The following DENND1B variants were observed in gnomAD, a reference collection of about 807,000 sequenced individuals.
The protein encoded by DENND1B is DENN domain containing 1B, also known as DENN domain-containing protein 1B.
Under a neutral mutation model 90.1 loss-of-function variants are expected in DENND1B, and 59 were observed. That is an observed-to-expected ratio of 0.65 (90% CI 0.53 to 0.81). The LOEUF is 0.81. Among genes scored for constraint, DENND1B ranks in the 40% least tolerant of loss-of-function variants. The pLI, the probability that DENND1B is intolerant of heterozygous loss-of-function variation, is 0.00. For synonymous variants in DENND1B, 337 were observed against 324.6 expected (o/e 1.04, Z -0.41); for missense variants, 862 against 912.6 (o/e 0.94, Z 0.71).
At chr1:197,560,134 T>C (rs12731480) in intron 15 of DENND1B, among the ~76,000 whole-genome samples, 23,936 of 151,820 alleles carry the variant, frequency 0.16, 2,152 homozygotes, top group Non-Finnish European at 0.2. Context: ...ACAACAATAC[T>C]ACTTTCAAGG....
chr1:197,555,089 C>T (rs753558302), intron 15 of DENND1B, among the ~76,000 whole-genome samples: 3 of 151,918 alleles, frequency 2.0e-5, no homozygotes, highest in Non-Finnish European at 4.4e-5. Flanking sequence ...GTGAAAGACA[C>T]CCTTTTCAAT....
intron 6 of DENND1B, among the ~76,000 whole-genome samples, chr1:197,655,633 G>C (rs1035687569): frequency 6.6e-6 from 1 of 151,800 alleles, no homozygotes; most frequent in Non-Finnish European, 1.5e-5. Flanking sequence ...CCGGGTTCAT[G>C]CCATTCTCCT....
At chr1:197,534,712 G>C (rs1468596679) in intron 20 of DENND1B, among the ~76,000 whole-genome samples, 11 of 151,992 alleles carry the variant, frequency 7.2e-5, no homozygotes, top group Non-Finnish European at 1.6e-4. Flanking sequence ...AGTATTTTTG[G>C]AAATAGGTAG....
chr1:197,653,621 T>G (rs527821368), intron 6 of DENND1B, among the ~76,000 whole-genome samples: 1 of 152,198 alleles, frequency 6.6e-6, no homozygotes, highest in South Asian at 2.1e-4. Flanking sequence ...TATTTCTTCC[T>G]CAAATAAGGA....
chr1:197,628,980 C>T (rs1402561642), intron 10 of DENND1B, among the ~76,000 whole-genome samples: 3 of 152,042 alleles, frequency 2.0e-5, no homozygotes, highest in Non-Finnish European at 4.4e-5. Context: ...CAATGAGATA[C>T]CATCTCACAC....
intron 2 of DENND1B, among the ~76,000 whole-genome samples, chr1:197,722,195 TTTATTTAC>T (rs982353051): frequency 1.9e-4 from 29 of 152,214 alleles, no homozygotes; most frequent in African/African-American, 6.3e-4. Context: ...TAAGGCCTCT[TTTATTTAC>T]TTATTTGGTA....
intron 3 of DENND1B, among the ~76,000 whole-genome samples, chr1:197,697,084 CAAA>C (rs778684569): frequency 3.8e-5 from 3 of 78,778 alleles, no homozygotes; most frequent in Non-Finnish European, 5.7e-5. Context: ...AGAAATTCCA[CAAA>C]AAAAAAAAAA....
intron 2 of DENND1B, among the ~76,000 whole-genome samples, chr1:197,721,454 A>C (rs995854041): frequency 6.6e-6 from 1 of 152,080 alleles, no homozygotes; most frequent in African/African-American, 2.4e-5. Flanking sequence ...AGCATGGACT[A>C]TGTATCTCTC....
At chr1:197,695,739 C>A (rs998910355) in intron 3 of DENND1B, among the ~76,000 whole-genome samples, 2 of 150,824 alleles carry the variant, frequency 1.3e-5, no homozygotes, top group Non-Finnish European at 3.0e-5. Flanking sequence ...GAATCAAGCC[C>A]AAACAACCAA....
chr1:197,624,837 T>C (rs1678513311), intron 10 of DENND1B, among the ~76,000 whole-genome samples: 1 of 151,784 alleles, frequency 6.6e-6, no homozygotes, highest in Non-Finnish European at 1.5e-5. Flanking sequence ...CTGATGGAGC[T>C]GAAAGCCAAG....
intron 16 of DENND1B, among the ~76,000 whole-genome samples, chr1:197,550,511 A>AG (rs1671139211): frequency 6.6e-6 from 1 of 152,104 alleles, no homozygotes; most frequent in African/African-American, 2.4e-5. Context: ...TGTCCTTTGT[A>AG]GGGACATGGA....
chr1:197,657,342 T>TAGTTG (rs1653947770), intron 6 of DENND1B, among the ~76,000 whole-genome samples: 7 of 152,174 alleles, frequency 4.6e-5, no homozygotes, highest in Non-Finnish European at 8.8e-5. Flanking sequence ...AGTACTTCTC[T>TAGTTG]AGAGACTTTT....
intron 3 of DENND1B, among the ~76,000 whole-genome samples, chr1:197,714,370 T>A (rs1660418688): frequency 1.3e-5 from 2 of 152,122 alleles, no homozygotes; most frequent in South Asian, 4.1e-4. Flanking sequence ...ATGATAAATC[T>A]ATAACATAAA....
Position 197,635,267 on chromosome 1 carries a change from T to A in DENND1B, c.672+7444A>T, listed in dbSNP as rs550308107. Reference sequence around the variant, plus strand: ...ATTTTAAAAACTTTTCTGACACAATTTAAATGATTAAATTTATTCTTCAAT... The same window carrying A: ...ATTTTAAAAACTTTTCTGACACAATATAAATGATTAAATTTATTCTTCAAT... On this transcript the variant is annotated intron_variant, in intron 10 of 22. Transcript: ENST00000620048. 9.2e-5 allele frequency among the ~76,000 whole-genome samples: 14 copies of A among 152,308 alleles called. No homozygotes were observed. In the East Asian group the frequency reaches 2.5e-3, roughly 27 times the overall value.
At chr1:197,555,762 C>A (rs977229105) in intron 15 of DENND1B, among the ~76,000 whole-genome samples, 1 of 151,946 alleles carries the variant, frequency 6.6e-6, no homozygotes, top group Non-Finnish European at 1.5e-5. Context: ...GGTGAGAGTG[C>A]AAATTAGTTC....
intron 10 of DENND1B, among the ~76,000 whole-genome samples, chr1:197,622,268 A>C (rs1403522781): frequency 6.6e-6 from 1 of 151,318 alleles, no homozygotes; most frequent in African/African-American, 2.4e-5. Flanking sequence ...CCTAATCCTC[A>C]CAACAACCTC....
At chr1:197,553,378 A>T (rs2125686375) in intron 15 of DENND1B, among the ~76,000 whole-genome samples, 1 of 152,300 alleles carries the variant, frequency 6.6e-6, no homozygotes, top group African/African-American at 2.4e-5. Context: ...TATTAGCAAA[A>T]AATAGCAAAA....
intron 14 of DENND1B, among the ~76,000 whole-genome samples, chr1:197,594,028 A>G (rs527691230): frequency 2.8e-4 from 42 of 152,274 alleles, no homozygotes; most frequent in African/African-American, 9.1e-4. Flanking sequence ...ATAACTATGA[A>G]CAACTTTTTA....
chr1:197,554,226 C>A (rs1055083336), intron 15 of DENND1B, among the ~76,000 whole-genome samples: 1 of 151,252 alleles, frequency 6.6e-6, no homozygotes, highest in Non-Finnish European at 1.5e-5. Context: ...TGGTTTACTC[C>A]ATCCATAATT....
Sources: gnomAD v4.1 joint callset for allele counts (sites outside exome capture counted in the v4.1 genomes callset) on GRCh38, gnomAD v4.1.1 for gene constraint, MANE v1.5 for transcripts, NCBI Gene and HGNC (gene_info 2026-07-23, HGNC 2026-07-21) for gene names.